Variants in TTC34 observed in about 807,000 individuals in gnomAD.
TTC34 encodes the protein tetratricopeptide repeat protein 34.
TTC34 carries 44 observed loss-of-function variants against 40.7 expected under a neutral mutation model. The observed-to-expected ratio is 1.08, with a 90% CI of 0.85 to 1.39. The LOEUF is 1.39. Among genes scored for constraint, TTC34 ranks in the 40% most tolerant of loss-of-function variants. TTC34 has a pLI of 0.00. For synonymous variants in TTC34, 422 were observed against 398.6 expected (o/e 1.06, Z -0.70); for missense variants, 884 against 838.0 (o/e 1.05, Z -0.68).
chr1:2,777,679 C>T (rs1445850991), intron 6 of TTC34, among the ~76,000 whole-genome samples: 2 of 104,920 alleles, frequency 1.9e-5, no homozygotes, highest in African/African-American at 8.0e-5. Flanking sequence ...GGTGAAGAGG[C>T]AGAGGGCATG....
chr1:2,787,572 A>T (rs1290465918), exon 4 of TTC34: 3 of 1,546,688 alleles, frequency 1.9e-6, no homozygotes, highest in Non-Finnish European at 2.6e-6. Context: ...GGATAGGGCC[A>T]CCAGCAGGGC....
chr1:2,684,895 C>G (rs1471810032), intron 6 of TTC34, among the ~76,000 whole-genome samples: 3 of 112,478 alleles, frequency 2.7e-5, no homozygotes, highest in African/African-American at 8.4e-5. Flanking sequence ...GAGCATCTGA[C>G]AGCCTGGAAC....
chr1:2,652,369 C>A (rs111737645), intron 6 of TTC34, among the ~76,000 whole-genome samples: 1,365 of 117,318 alleles, frequency 0.012, no homozygotes, highest in African/African-American at 0.019. Context: ...CGCACACCCC[C>A]AGGTGAGCAT....
At chr1:2,756,190 C>A (rs1369005262) in intron 6 of TTC34, among the ~76,000 whole-genome samples, 1 of 48,448 alleles carries the variant, frequency 2.1e-5, no homozygotes, top group Non-Finnish European at 3.3e-5. Flanking sequence ...CCTGCACCCC[C>A]AGGTGCGCAC....
intron 6 of TTC34, among the ~76,000 whole-genome samples, chr1:2,761,289 G>C (rs1490294329): frequency 4.1e-5 from 3 of 73,624 alleles, no homozygotes; most frequent in African/African-American, 1.0e-4. Flanking sequence ...CACTCCCGCA[G>C]GTGAGCATCC....
At position 2,800,948 on chromosome 1, in the gene TTC34, C is replaced by G. The variant is rs537074510; in HGVS notation, c.-41-80G>C. On this transcript the variant is annotated intron_variant, in intron 1 of 8. Coordinates refer to ENST00000401095, the Ensembl canonical transcript of TTC34. ...GTGGCCACCCGTGCCCAGCCTCAAG[C>G]CACCTCCACCCCTTCCCATTGACCC... 14 of 397,912 alleles carry G rather than the reference C, an allele frequency of 3.5e-5. No homozygotes were observed. The South Asian group carries it at 1.5e-3, about 44-fold the overall frequency. 24.6% of individuals were successfully genotyped at this position (397,912 alleles called of 1,614,324 possible). A position where few individuals can be genotyped will look rare whatever the true frequency, so the allele number is the denominator to read the frequency against.
At chr1:2,751,529 C>G (rs1255070579) in intron 6 of TTC34, among the ~76,000 whole-genome samples, 1 of 119,150 alleles carries the variant, frequency 8.4e-6, no homozygotes, top group East Asian at 2.9e-4. Context: ...ACCCTGCACC[C>G]CCAGGTGAGC....
chr1:2,752,296 G>T (rs1194665736), intron 6 of TTC34, among the ~76,000 whole-genome samples: 3 of 117,402 alleles, frequency 2.6e-5, no homozygotes, highest in Non-Finnish European at 5.1e-5. Flanking sequence ...TGCACCCCCA[G>T]GGGAGCATCT....
intron 6 of TTC34, among the ~76,000 whole-genome samples, chr1:2,682,151 C>G (rs1407628303): frequency 1.1e-4 from 13 of 122,816 alleles, no homozygotes; most frequent in South Asian, 2.7e-4. Flanking sequence ...CCTGCACCCC[C>G]AGGTGAGCAT....
intron 2 of TTC34, among the ~76,000 whole-genome samples, chr1:2,791,796 G>A (rs548321112): frequency 2.0e-5 from 3 of 152,060 alleles, no homozygotes; most frequent in East Asian, 1.9e-4. Flanking sequence ...ATGTTCCCAC[G>A]TGAAAGGGTG....
In TTC34 at chr1:2,752,651, A is replaced by C. The variant is rs1291050857; in HGVS notation, c.2226+30958T>G. Among the ~76,000 whole-genome samples the C allele has an allele frequency of 1.5e-5, 2 of 135,474 alleles. 1 individual carries two copies. The highest frequency in any genetic ancestry group is 6.0e-5 in the African/African-American group (2 of 33,070). The allele number at this position is 135,474 out of a possible 152,430, so 88.9% of individuals were successfully genotyped here. A position where few individuals can be genotyped will look rare whatever the true frequency, so the allele number is the denominator to read the frequency against. On this transcript the variant is annotated intron_variant, in intron 6 of 8. Coordinates refer to ENST00000401095, the Ensembl canonical transcript of TTC34. ...TCTGACACCCTGGAACTGCACACAC[A>C]CCCCCAGGCGAGCATCTGACAACCT...
At chr1:2,642,002 C>G in intron 8 of TTC34, 107 bp from the exon 9 acceptor site, 5 of 1,252,490 alleles carry the variant, frequency 4.0e-6, no homozygotes, top group Non-Finnish European at 5.3e-6. Context: ...TGCTGGCTCC[C>G]TGGGGATGGC....
intron 6 of TTC34, among the ~76,000 whole-genome samples, chr1:2,683,835 C>T (rs113218593): frequency 2.4e-3 from 361 of 148,438 alleles, no homozygotes; most frequent in Admixed American, 5.1e-3. Context: ...CACCCACACC[C>T]CCAGGTGAAC....
At chr1:2,784,272 T>A (rs1019729770) in intron 5 of TTC34, among the ~76,000 whole-genome samples, 1 of 152,196 alleles carries the variant, frequency 6.6e-6, no homozygotes, top group Non-Finnish European at 1.5e-5. Context: ...CAGCGTTTTC[T>A]TCTATGAACT....
chr1:2,779,996 C>A (rs1643455304), intron 6 of TTC34, among the ~76,000 whole-genome samples: 3 of 152,158 alleles, frequency 2.0e-5, no homozygotes, highest in African/African-American at 7.2e-5. Flanking sequence ...CACCTGTAAT[C>A]CCAGCTACTC....
chr1:2,787,449 C>T (rs1643604771), intron 4 of TTC34, 32 bp downstream of exon 4: 3 of 1,447,072 alleles, frequency 2.1e-6, no homozygotes, highest in Non-Finnish European at 2.7e-6. Context: ...CCCATTTCCA[C>T]CTGCCCTCTG....
At chr1:2,673,383 T>A (rs1308647004) in intron 6 of TTC34, among the ~76,000 whole-genome samples, 98 of 31,416 alleles carry the variant, frequency 3.1e-3, no homozygotes, top group African/African-American at 6.8e-3. Flanking sequence ...AGGGCCTGGG[T>A]CGGCACCCAC....
intron 6 of TTC34, among the ~76,000 whole-genome samples, chr1:2,674,916 C>A (rs1570786898): frequency 8.2e-6 from 1 of 121,454 alleles, no homozygotes; most frequent in Non-Finnish European, 1.9e-5. Flanking sequence ...GAGCAGTGCC[C>A]ACACCCCGAG....
intron 4 of TTC34, among the ~76,000 whole-genome samples, chr1:2,786,591 C>T (rs922994414): frequency 6.6e-6 from 1 of 152,140 alleles, no homozygotes; most frequent in African/African-American, 2.4e-5. Context: ...GTGGAGACTC[C>T]GCCCCAGTGG....
Sources: allele counts gnomAD v4.1 joint callset (sites outside exome capture counted in the v4.1 genomes callset), GRCh38; gene constraint gnomAD v4.1.1; transcripts MANE v1.5; gene names NCBI Gene and HGNC (gene_info 2026-07-23, HGNC 2026-07-21).